DOCK9: variants seen among roughly 807,000 people sequenced by gnomAD.
DOCK9 encodes the protein dedicator of cytokinesis 9.
In DOCK9, 89 loss-of-function variants were observed where a neutral mutation model predicts 263.3. That is an observed-to-expected ratio of 0.34 (90% CI 0.28 to 0.40). The LOEUF (loss-of-function observed/expected upper bound fraction) is 0.40. Among genes scored for constraint, DOCK9 ranks in the 10% least tolerant of loss-of-function variants. The probability of loss-of-function intolerance (pLI) is 1.00; values close to 1 mark genes in which losing one functional copy is unlikely to be tolerated. For synonymous variants in DOCK9, 976 were observed against 973.1 expected (o/e 1.00, Z -0.06); for missense variants, 2,140 against 2,603.4 (o/e 0.82, Z 3.87).
rs542868373 is a variant in DOCK9 at position 98,956,473 on chromosome 13, C to T, written c.127-922G>A. 3.5e-4 allele frequency among the ~76,000 whole-genome samples: 54 copies of T among 152,252 alleles called. 1 individual carries two copies. The South Asian group carries it at 0.011, about 30-fold the overall frequency. ...CAGAAGTAACTAAGTCCAGGGCAGG[C>T]GTGGTGGCTCACACCCGTAATCTCA... is the stretch of plus-strand genomic sequence containing the variant. On this transcript the variant is annotated intron_variant, in intron 1 of 52. Coordinates refer to ENST00000682017, the MANE Select transcript of DOCK9 (RefSeq NM_001366683.2).
chr13:99,040,114 C>A (rs759236359), intron 1 of DOCK9, among the ~76,000 whole-genome samples: 10 of 152,088 alleles, frequency 6.6e-5, no homozygotes, highest in Admixed American at 6.6e-5. Context: ...AGGAATAGTG[C>A]CCTTATAAGA....
chr13:98,880,825 CAT>C (rs2142663559), intron 25 of DOCK9, among the ~76,000 whole-genome samples, 153 bp from the exon 26 acceptor site: 1 of 152,158 alleles, frequency 6.6e-6, no homozygotes, highest in South Asian at 2.1e-4. Context: ...GGGTGAGTGT[CAT>C]GTGATAAAAA....
chr13:98,831,260 T>C (rs2092751236), intron 41 of DOCK9, 88 bp downstream of exon 41: 6 of 1,373,570 alleles, frequency 4.4e-6, no homozygotes, highest in Non-Finnish European at 4.9e-6. Context: ...TATGACAAGG[T>C]AAATTGGTTA....
intron 49 of DOCK9, among the ~76,000 whole-genome samples, chr13:98,804,771 T>C (rs28649465): frequency 1.3e-5 from 2 of 152,268 alleles, no homozygotes; most frequent in South Asian, 2.1e-4. Flanking sequence ...TGACCTTAGA[T>C]TGGATATGAG....
rs1056317042 is a variant in DOCK9, at chr13:99,061,821, C to T, written c.129+24402G>A. On this transcript the variant is annotated intron_variant, in intron 1 of 32. Transcript: ENST00000427887. ...TGTTTTCTAATTTTCCTATAATAAA[C>T]ATGTATTGCTCATGTAATAAGAGAG... 8.6e-5 allele frequency among the ~76,000 whole-genome samples: 13 copies of T among 151,982 alleles called. No individual in the cohort carries two copies. In the South Asian group the frequency reaches 2.1e-3, roughly 24 times the overall value.
At chr13:99,041,513 G>A (rs17724248) in intron 1 of DOCK9, among the ~76,000 whole-genome samples, 7,346 of 150,874 alleles carry the variant, frequency 0.049, 234 homozygotes, top group Middle Eastern at 0.11. Context: ...CACAAGCTAA[G>A]AATGAACTAC....
At chr13:98,815,875 T>C (rs1164910065) in intron 45 of DOCK9, among the ~76,000 whole-genome samples, 1 of 152,238 alleles carries the variant, frequency 6.6e-6, no homozygotes, top group Non-Finnish European at 1.5e-5. Context: ...ACCCTGTCCT[T>C]TGTGGATCAG....
At chr13:99,081,955 G>A (rs1395274873) in intron 1 of DOCK9, among the ~76,000 whole-genome samples, 1 of 152,092 alleles carries the variant, frequency 6.6e-6, no homozygotes, top group Non-Finnish European at 1.5e-5. Context: ...AGCAGCTTAG[G>A]GCTGGGTATG....
intron 1 of DOCK9, among the ~76,000 whole-genome samples, chr13:99,010,983 C>T (rs1181434054): frequency 2.0e-5 from 3 of 152,214 alleles, no homozygotes; most frequent in Non-Finnish European, 2.9e-5. Context: ...CTGCAACCTC[C>T]ACCTCCCAGG....
chr13:98,938,807 ACAT>A (rs895697542), intron 2 of DOCK9, among the ~76,000 whole-genome samples: 1 of 152,184 alleles, frequency 6.6e-6, no homozygotes, highest in Non-Finnish European at 1.5e-5. Context: ...GATATTTAAA[ACAT>A]CATATTTTAT....
At chr13:98,998,303 C>A (rs541975811) in intron 1 of DOCK9, among the ~76,000 whole-genome samples, 1 of 152,210 alleles carries the variant, frequency 6.6e-6, no homozygotes, top group Admixed American at 6.5e-5. Context: ...GAAGGTAGGA[C>A]CCACCCTACC....
chr13:98,849,914 T>G, intron 36 of DOCK9, 133 bp downstream of exon 36: 5 of 653,076 alleles, frequency 7.7e-6, no homozygotes, highest in Non-Finnish European at 1.3e-5. Flanking sequence ...GCCAAGACCA[T>G]GAGAAAGGGC....
At chr13:99,068,215 G>A (rs930513751) in intron 1 of DOCK9, among the ~76,000 whole-genome samples, 10 of 152,224 alleles carry the variant, frequency 6.6e-5, no homozygotes, top group African/African-American at 1.7e-4. Context: ...TAGTAACTTC[G>A]AGGAGAAACC....
intron 35 of DOCK9, 106 bp from the exon 36 acceptor site, chr13:98,850,219 C>T: frequency 1.3e-6 from 1 of 792,100 alleles, no homozygotes; most frequent in Non-Finnish European, 1.9e-6. Flanking sequence ...GCCTCTAAAC[C>T]CTGGAGTGTA....
In DOCK9 at chr13:98,867,969, T is replaced by C; in HGVS notation, c.3133A>G (p.Ile1045Val). The stretch of plus-strand genomic sequence containing the variant: ...GCAAAACAGCTAATGTAGTTGTTGA[T>C]CTGCTTGAAGACAAAGCCCCTGTCC... ...FMDRGFVFKQ[I>V]NNYISCFAPG... is the part of the protein sequence containing the mutation. Residue 1045 changes from isoleucine to valine, a missense_variant, in exon 29 of 53, where the codon ATC becomes GTC. Around this residue, in one of 2 missense-constraint regions of DOCK9, gnomAD observed 1,521 missense variants for 1,741.7 expected, o/e 0.87. Transcript: ENST00000682017. 1 of 1,613,770 alleles carries C rather than the reference T, an allele frequency of 6.2e-7. No homozygotes were observed. The highest frequency in any genetic ancestry group is 8.5e-7 in the Non-Finnish European group (1 of 1,179,838).
At chr13:98,805,346 A>G (rs2090576574) in intron 48 of DOCK9, 137 bp from the exon 49 acceptor site, 3 of 748,348 alleles carry the variant, frequency 4.0e-6, no homozygotes, top group South Asian at 3.6e-5. Flanking sequence ...CATATCCACC[A>G]CTTGGATCAA....
At chr13:98,977,755 C>G (rs1875437776) in intron 1 of DOCK9, 29 bp downstream of exon 1, 2 of 1,608,548 alleles carry the variant, frequency 1.2e-6, no homozygotes, top group Admixed American at 1.7e-5. Context: ...TGGGTAGACA[C>G]AGCAACACTT....
At chr13:98,817,615 C>T (rs946121316) in intron 45 of DOCK9, among the ~76,000 whole-genome samples, 11 of 151,552 alleles carry the variant, frequency 7.3e-5, no homozygotes, top group African/African-American at 2.2e-4. Flanking sequence ...CGAATACATG[C>T]TATTTTTACT....
intron 1 of DOCK9, among the ~76,000 whole-genome samples, chr13:99,024,833 A>AT (rs993984531): frequency 2.0e-5 from 3 of 152,072 alleles, no homozygotes; most frequent in Non-Finnish European, 4.4e-5. Context: ...AAATAGTCCT[A>AT]TTTTTTTTAA....
Sources: gnomAD v4.1 joint callset for allele counts (sites outside exome capture counted in the v4.1 genomes callset) on GRCh38, gnomAD v4.1.1 for gene constraint, gnomAD v4.1.1 regional missense constraint, MANE v1.5 for transcripts, NCBI Gene and HGNC (gene_info 2026-07-23, HGNC 2026-07-21) for gene names.